The following ABI1 variants were observed in gnomAD, a reference collection of about 807,000 sequenced individuals.
ABI1 encodes abl interactor 1, also known as Abelson interactor 1.
ABI1 carries 14 observed loss-of-function variants against 54.6 expected under a neutral mutation model. That is an observed-to-expected ratio of 0.26 (90% confidence interval 0.17 to 0.40). ABI1 has a LOEUF of 0.40. Ranked by LOEUF, ABI1 falls within the 10% of genes least tolerant of loss-of-function variation. The probability of loss-of-function intolerance (pLI) is 1.00; values close to 1 mark genes in which losing one functional copy is unlikely to be tolerated. For synonymous variants in ABI1, 194 were observed against 209.3 expected (o/e 0.93, Z 0.63); for missense variants, 443 against 598.3 (o/e 0.74, Z 2.71).
chr10:26,813,932 C>T (rs536791475), intron 2 of ABI1, among the ~76,000 whole-genome samples: 13 of 152,264 alleles, frequency 8.5e-5, no homozygotes, highest in East Asian at 3.9e-4. Context: ...CCAAAGCCCA[C>T]GTAGATCCTC....
At chr10:26,780,128 CA>C (rs1391769118) in intron 2 of ABI1, among the ~76,000 whole-genome samples, 1 of 152,128 alleles carries the variant, frequency 6.6e-6, no homozygotes, top group East Asian at 1.9e-4. Context: ...GCCCGTCAGC[CA>C]AAGGGTATAA....
At chr10:26,824,610 G>GAAA (rs35745137) in intron 1 of ABI1, among the ~76,000 whole-genome samples, 2 of 146,700 alleles carry the variant, frequency 1.4e-5, no homozygotes, top group Non-Finnish European at 3.0e-5. Context: ...TTGCTAAGGT[G>GAAA]AAAAAAAAAA....
chr10:26,747,225 G>A lies in ABI1; in HGVS notation c.*1345C>T, dbSNP rs1486241294. 4.4e-6 allele frequency: 1 copy of A among 224,968 alleles called. No individual in the cohort carries two copies. The highest frequency in any genetic ancestry group is 6.4e-5 in the East Asian group (1 of 15,522). 13.9% of individuals were successfully genotyped at this position (224,968 alleles called of 1,614,324 possible). On this transcript the variant is annotated 3_prime_UTR_variant, in exon 11 of 11. Transcript: ENST00000376140. ...CTCAATAACACAGAAACCCACACTT[G>A]AGTGCTCTACTTTAATATCCTAAGC... is the stretch of plus-strand genomic sequence containing the variant.
intron 3 of ABI1, among the ~76,000 whole-genome samples, chr10:26,773,386 G>C (rs1840980567): frequency 6.6e-6 from 1 of 151,096 alleles, no homozygotes; most frequent in Admixed American, 6.6e-5. Flanking sequence ...ATTTTTAGGA[G>C]ACGGGGTTTC....
At chr10:26,832,956 G>A (rs923617292) in intron 1 of ABI1, among the ~76,000 whole-genome samples, 3 of 152,182 alleles carry the variant, frequency 2.0e-5, no homozygotes, top group Non-Finnish European at 2.9e-5. Context: ...CCAGCAGAAC[G>A]CCTATTCCAA....
chr10:26,851,324 T>C (rs1157860553), intron 1 of ABI1, among the ~76,000 whole-genome samples: 1 of 148,854 alleles, frequency 6.7e-6, no homozygotes. Flanking sequence ...GTCTGCCAAG[T>C]AGCTGGGACT....
chr10:26,831,889 A>C (rs1219629049), intron 1 of ABI1, among the ~76,000 whole-genome samples: 1 of 152,198 alleles, frequency 6.6e-6, no homozygotes, highest in Non-Finnish European at 1.5e-5. Context: ...AGCTATTTCC[A>C]GAGTTTTCTT....
chr10:26,840,055 T>C (rs2049382263), intron 1 of ABI1, among the ~76,000 whole-genome samples: 1 of 152,084 alleles, frequency 6.6e-6, no homozygotes. Flanking sequence ...CAAAAGTACC[T>C]TGTCCTTCCA....
At position 26,785,585 on chromosome 10, in the gene ABI1, G is replaced by A. The variant is rs75887973; in HGVS notation, c.286-8344C>T. Among the ~76,000 whole-genome samples, 41 of 152,224 alleles carry A rather than the reference G, an allele frequency of 2.7e-4. No homozygotes were observed. In the East Asian group the frequency reaches 6.4e-3, roughly 24 times the overall value. On this transcript the variant is annotated intron_variant, in intron 2 of 10. Coordinates refer to ENST00000376140, the MANE Select transcript of ABI1 (RefSeq NM_001012750.3). ...AGAAATACAAAAATTAGCCGGGCAC[G>A]GTGGCACATGCCTGTAGTCTCAGTT...
At chr10:26,821,764 A>C (rs918000368) in intron 2 of ABI1, among the ~76,000 whole-genome samples, 2 of 150,662 alleles carry the variant, frequency 1.3e-5, no homozygotes, top group East Asian at 1.9e-4. Flanking sequence ...ACGCCATTGC[A>C]CTCCAGCCTG....
chr10:26,804,563 A>C (rs1189446782), intron 2 of ABI1, among the ~76,000 whole-genome samples: 2 of 152,206 alleles, frequency 1.3e-5, no homozygotes, highest in East Asian at 1.9e-4. Context: ...TGTTTATTCG[A>C]AGTGGGAACA....
At chr10:26,818,631 C>CACAAAAAAA (rs2047747247) in intron 2 of ABI1, among the ~76,000 whole-genome samples, 12 of 73,090 alleles carry the variant, frequency 1.6e-4, no homozygotes, top group African/African-American at 6.6e-4. Context: ...GACCCCGTCA[C>CACAAAAAAA]AAAAAAAAAA....
chr10:26,771,104 A>T lies in ABI1; in HGVS notation c.463-15T>A. 6.2e-7 allele frequency: 1 copy of T among 1,613,592 alleles called. No homozygotes were observed. The highest frequency in any genetic ancestry group is 8.5e-7 in the Non-Finnish European group (1 of 1,179,666). On this transcript the variant is annotated splice_polypyrimidine_tract_variant and intron_variant, in intron 3 of 10. Transcript: ENST00000376140. ...GCTTTTAGCCACTTTACGTTGGCAA[A>T]AAAAGGGGGGGAAAAAGTAGACATT...
chr10:26,841,572 C>A (rs1443417118), intron 1 of ABI1, among the ~76,000 whole-genome samples: 1 of 152,096 alleles, frequency 6.6e-6, no homozygotes, highest in Non-Finnish European at 1.5e-5. Context: ...TTTCTTACCC[C>A]TCACCTACAT....
intron 3 of ABI1, among the ~76,000 whole-genome samples, chr10:26,774,844 G>T (rs184083928): frequency 4.2e-4 from 64 of 151,904 alleles, no homozygotes; most frequent in African/African-American, 1.5e-3. Flanking sequence ...TTAAAATTCT[G>T]TATGTTTATT....
At chr10:26,807,162 A>G (rs2046927287) in intron 2 of ABI1, among the ~76,000 whole-genome samples, 1 of 152,196 alleles carries the variant, frequency 6.6e-6, no homozygotes, top group Admixed American at 6.5e-5. Flanking sequence ...GAAGTAGAAA[A>G]GAAAAAACAA....
intron 1 of ABI1, among the ~76,000 whole-genome samples, chr10:26,855,845 C>G (rs763972435): frequency 6.6e-6 from 1 of 151,874 alleles, no homozygotes; most frequent in Non-Finnish European, 1.5e-5. Context: ...GTGGTGGGCA[C>G]CTGTAATCTC....
At chr10:26,852,114 A>C (rs2050442149) in intron 1 of ABI1, among the ~76,000 whole-genome samples, 1 of 152,162 alleles carries the variant, frequency 6.6e-6, no homozygotes, top group Non-Finnish European at 1.5e-5. Context: ...GGAACATAGG[A>C]GACCCCAACC....
chr10:26,790,852 T>G (rs1159457909), intron 2 of ABI1, among the ~76,000 whole-genome samples: 3 of 152,090 alleles, frequency 2.0e-5, no homozygotes, highest in Non-Finnish European at 2.9e-5. Flanking sequence ...ATGGATCATT[T>G]GAGTCCAGGA....
Sources: allele counts gnomAD v4.1 joint callset (sites outside exome capture counted in the v4.1 genomes callset), GRCh38; gene constraint gnomAD v4.1.1; transcripts MANE v1.5; gene names NCBI Gene and HGNC (gene_info 2026-07-23, HGNC 2026-07-21).